The following RABEP1 variants were observed in gnomAD, a reference collection of about 807,000 sequenced individuals.
RABEP1 encodes the protein rab GTPase-binding effector protein 1.
A neutral mutation model predicts 123.4 loss-of-function variants in RABEP1; 51 were observed. That is an observed-to-expected ratio of 0.41 (90% CI 0.33 to 0.52). RABEP1 has a LOEUF of 0.52. Ranked by LOEUF, RABEP1 falls within the 20% of genes least tolerant of loss-of-function variation. The pLI is 0.16. For synonymous variants in RABEP1, 347 were observed against 355.2 expected (o/e 0.98, Z 0.26); for missense variants, 888 against 996.3 (o/e 0.89, Z 1.46).
intron 2 of RABEP1, among the ~76,000 whole-genome samples, chr17:5,322,005 C>T (rs1905412756): frequency 6.6e-6 from 1 of 152,206 alleles, no homozygotes; most frequent in Non-Finnish European, 1.5e-5. Flanking sequence ...TCAAGACCAG[C>T]CTGGCCAACA....
intron 15 of RABEP1, among the ~76,000 whole-genome samples, chr17:5,379,875 CCT>C (rs1911306278): frequency 6.6e-6 from 1 of 152,088 alleles, no homozygotes; most frequent in Non-Finnish European, 1.5e-5. Context: ...CTGCCTCACA[CCT>C]CTCTGCCTCA....
intron 1 of RABEP1, among the ~76,000 whole-genome samples, chr17:5,289,557 A>G (rs769750545): frequency 1.3e-5 from 2 of 151,784 alleles, no homozygotes; most frequent in Non-Finnish European, 2.9e-5. Flanking sequence ...TTGTAGTCCA[A>G]TCCATTTGCA....
chr17:5,381,679 C>T (rs75492252), intron 17 of RABEP1, 174 bp downstream of exon 17: 1 of 1,169,452 alleles, frequency 8.6e-7, no homozygotes, highest in Non-Finnish European at 1.1e-6. Context: ...GTGTTCTTCA[C>T]ACTTGGCCCA....
intron 8 of RABEP1, among the ~76,000 whole-genome samples, chr17:5,358,706 G>GTAA (rs1909239675): frequency 6.6e-6 from 1 of 151,952 alleles, no homozygotes; most frequent in African/African-American, 2.4e-5. Context: ...ATTCAAGGAT[G>GTAA]TAAACATTTT....
chr17:5,320,421 C>CAAAAAAAAAAAAAAAAAAAAAAAA (rs60202531), intron 2 of RABEP1, among the ~76,000 whole-genome samples: 2 of 84,652 alleles, frequency 2.4e-5, no homozygotes, highest in African/African-American at 8.6e-5. Context: ...GCTAACACAC[C>CAAAAAAAAAAAAAAAAAAAAAAAA]AAAAAAAAAA....
chr17:5,369,016 G>A (rs1480411993), intron 12 of RABEP1, among the ~76,000 whole-genome samples: 2 of 152,166 alleles, frequency 1.3e-5, no homozygotes, highest in Admixed American at 6.5e-5. Flanking sequence ...GGCTGAGGCA[G>A]GAGAAGCGCT....
intron 5 of RABEP1, among the ~76,000 whole-genome samples, chr17:5,340,181 C>T (rs1326683055): frequency 6.6e-6 from 1 of 152,162 alleles, no homozygotes; most frequent in Non-Finnish European, 1.5e-5. Context: ...ACACACAGAA[C>T]TCGGTATCCA....
At position 5,381,525 on chromosome 17, in the gene RABEP1, A is replaced by G. The variant is rs1181307451; in HGVS notation, c.2487+20A>G. The G allele has an allele frequency of 6.2e-7, 1 of 1,607,496 alleles. No individual in the cohort carries two copies. The highest frequency in any genetic ancestry group is 1.7e-5 in the Admixed American group (1 of 58,776). On this transcript the variant is annotated intron_variant, in intron 17 of 17. Transcript: ENST00000537505. ...CTTCAGGTGAGGCATTTGGGGAACC[A>G]CATACAGAGCACGAAGGCAGTTTTG...
At chr17:5,342,847 T>TG (rs1907731311) in intron 5 of RABEP1, among the ~76,000 whole-genome samples, 1 of 152,154 alleles carries the variant, frequency 6.6e-6, no homozygotes, top group Admixed American at 6.6e-5. Context: ...TGTTACTGGT[T>TG]TAGGGATAAA....
Position 5,365,239 on chromosome 17 carries a change from G to T in RABEP1, c.1785+1G>T. On this transcript the variant is annotated splice_donor_variant, in intron 11 of 17. Coordinates refer to ENST00000537505, the MANE Select transcript of RABEP1 (RefSeq NM_004703.6). LOFTEE classifies it high-confidence loss of function. Reference sequence around the variant, plus strand: ...AAGCAGCGAAGATTCGAGTCACCAGGTAAGGGAGGGTTTATAGACTGTGGC... The same window carrying T: ...AAGCAGCGAAGATTCGAGTCACCAGTTAAGGGAGGGTTTATAGACTGTGGC... The T allele has an allele frequency of 6.3e-7, 1 of 1,596,996 alleles. No homozygotes were observed. Among genetic ancestry groups the T allele is most frequent in the Non-Finnish European group, 8.5e-7 (1 of 1,170,566 alleles).
At chr17:5,295,761 C>A (rs1211781480) in intron 1 of RABEP1, among the ~76,000 whole-genome samples, 2 of 152,138 alleles carry the variant, frequency 1.3e-5, no homozygotes, top group South Asian at 2.1e-4. Flanking sequence ...GTAGAGCATT[C>A]TAAATTTGGT....
Position 5,361,572 on chromosome 17 carries a change from C to T in RABEP1, c.1460C>T (p.Ala487Val), listed in dbSNP as rs746580290. The change falls in exon 9 of 18, where the codon GCG (alanine) becomes GTG (valine). Residue 487 changes from alanine (A) to valine (V), a missense_variant. Transcript: ENST00000537505. ...KAMTPEQEET[A>V]SLLSSVTQGM... ...ATGACACCAGAACAAGAAGAGACAG[C>T]GTCCCTCCTCTCCAGCGTTACCCAG... 14 of 1,614,030 alleles carry T rather than the reference C, an allele frequency of 8.7e-6. No homozygotes were observed. The highest frequency in any genetic ancestry group is 3.3e-5 in the Admixed American group (2 of 60,004).
At chr17:5,367,058 C>T (rs1910060905) in intron 11 of RABEP1, among the ~76,000 whole-genome samples, 1 of 151,110 alleles carries the variant, frequency 6.6e-6, no homozygotes, top group South Asian at 2.1e-4. Context: ...CATTGCACTC[C>T]CGCCTGGGCA....
chr17:5,344,385 C>A (rs141266100), intron 5 of RABEP1, among the ~76,000 whole-genome samples: 55 of 151,758 alleles, frequency 3.6e-4, no homozygotes, highest in Admixed American at 9.2e-4. Flanking sequence ...CTGCAGTGAG[C>A]GTAGGTTGTG....
intron 2 of RABEP1, among the ~76,000 whole-genome samples, chr17:5,326,117 C>T (rs1905945863): frequency 6.6e-6 from 1 of 152,154 alleles, no homozygotes; most frequent in Non-Finnish European, 1.5e-5. Flanking sequence ...ATACTCTTGC[C>T]TTTTGATTCA....
intron 2 of RABEP1, among the ~76,000 whole-genome samples, 190 bp from the exon 3 acceptor site, chr17:5,331,759 G>A (rs1401244951): frequency 2.6e-5 from 4 of 152,170 alleles, no homozygotes; most frequent in South Asian, 4.2e-4. Context: ...AACCATGACT[G>A]TAACTACTGG....
chr17:5,339,540 A>C (rs1016469466), intron 5 of RABEP1, among the ~76,000 whole-genome samples: 1 of 152,110 alleles, frequency 6.6e-6, no homozygotes, highest in Non-Finnish European at 1.5e-5. Flanking sequence ...GCTCATGCCT[A>C]TAATCCCAGC....
Position 5,383,303 on chromosome 17 carries a change from TAACTG to T in RABEP1, c.*83_*87del, listed in dbSNP as rs1373157246. The T allele has an allele frequency of 9.8e-6, 11 of 1,119,820 alleles. No homozygotes were observed. Among genetic ancestry groups the T allele is most frequent in the South Asian group, 9.1e-5 (7 of 76,722 alleles). 69.4% of individuals were successfully genotyped at this position (1,119,820 alleles called of 1,614,324 possible). A position where few individuals can be genotyped will look rare whatever the true frequency, so the allele number is the denominator to read the frequency against. On this transcript the variant is annotated 3_prime_UTR_variant, in exon 18 of 18. Transcript: ENST00000537505. Reference sequence around the variant, plus strand: ...GCAACAGTAATTATTATTTAACTCTTAACTGAAGAAAGAGAAGTCACAACAAAAGG... The same window carrying T: ...GCAACAGTAATTATTATTTAACTCTTAAGAAAGAGAAGTCACAACAAAAGG...
At chr17:5,336,404 T>C in intron 4 of RABEP1, 2 of 453,288 alleles carry the variant, frequency 4.4e-6, no homozygotes, top group Admixed American at 5.1e-5. Context: ...TAAGCCTCTA[T>C]CAATTTATTC....
Sources: gnomAD v4.1 joint callset for allele counts (sites outside exome capture counted in the v4.1 genomes callset) on GRCh38, gnomAD v4.1.1 for gene constraint, MANE v1.5 for transcripts, NCBI Gene and HGNC (gene_info 2026-07-23, HGNC 2026-07-21) for gene names.